TTC3: variants seen among roughly 807,000 people sequenced by gnomAD.
The protein encoded by TTC3 is E3 ubiquitin-protein ligase TTC3.
Under a neutral mutation model 249.6 loss-of-function variants are expected in TTC3, and 180 were observed. The observed-to-expected ratio is 0.72, with a 90% CI of 0.64 to 0.82. The LOEUF (loss-of-function observed/expected upper bound fraction) is 0.82, where lower values mean the gene tolerates loss of function less well. Ranked by LOEUF, TTC3 falls within the 40% of genes least tolerant of loss-of-function variation. The probability of loss-of-function intolerance (pLI) is 0.00; values close to 1 mark genes in which losing one functional copy is unlikely to be tolerated. For missense variants in TTC3, 2,061 were observed against 2,398.4 expected (o/e 0.86, Z 2.94); for synonymous variants, 717 against 805.0 (o/e 0.89, Z 1.85).
intron 13 of TTC3, among the ~76,000 whole-genome samples, chr21:37,124,112 CTTTTTTTT>C (rs60916518): frequency 2.0e-4 from 12 of 61,282 alleles, no homozygotes; most frequent in Middle Eastern, 0.026. Context: ...TTGAACTGTT[CTTTTTTTT>C]TTTTTTTTTT....
rs148546407 is a variant in TTC3, at chr21:37,124,653, T to C, written c.1144T>C (p.Phe382Leu). Residue 382 changes from phenylalanine to leucine, a missense_variant, in exon 14 of 46, where the codon TTT becomes CTT. By Grantham distance (22) the Phe-to-Leu change is conservative (BLOSUM62 0). This residue lies in a region of TTC3 where 989 missense variants were observed against 1,145.1 expected (regional missense o/e 0.86). Coordinates refer to ENST00000355666, the Ensembl canonical transcript of TTC3. ...ACCTAGGAGTTTATCAGCACCTATA[T>C]TTACTACTTCACTTAACTTTGTGGA... 188 of 1,613,054 alleles carry C rather than the reference T, an allele frequency of 1.2e-4. No homozygotes were observed. The Middle Eastern group carries it at 2.3e-3, about 20-fold the overall frequency.
At chr21:37,121,733 T>G in intron 11 of TTC3, 84 bp from the exon 12 acceptor site, 1 of 1,327,574 alleles carries the variant, frequency 7.5e-7, no homozygotes, top group Non-Finnish European at 1.0e-6. Flanking sequence ...TGAATCAGTT[T>G]TCAAGCAAAA....
chr21:37,115,994 A>G (rs2076110878), intron 11 of TTC3, among the ~76,000 whole-genome samples: 1 of 152,118 alleles, frequency 6.6e-6, no homozygotes. Flanking sequence ...AGGACTTACC[A>G]TTATCTAATA....
intron 11 of TTC3, among the ~76,000 whole-genome samples, chr21:37,112,389 A>G (rs544438572): frequency 7.1e-4 from 108 of 152,348 alleles, no homozygotes; most frequent in African/African-American, 2.5e-3. Flanking sequence ...AATACAAACT[A>G]CCATCAGAGA....
chr21:37,084,139 G>A (rs765476410), intron 1 of TTC3: 3 of 152,156 alleles, frequency 2.0e-5, no homozygotes, highest in African/African-American at 7.2e-5. Flanking sequence ...TGGGTGTGGT[G>A]GATAAATTCA....
chr21:37,084,964 G>T (rs1206583923), intron 1 of TTC3, among the ~76,000 whole-genome samples: 1 of 151,768 alleles, frequency 6.6e-6, no homozygotes, highest in Admixed American at 6.6e-5. Context: ...GTGCACTCCA[G>T]CCTGGGCGAC....
At position 37,128,904 on chromosome 21, in the gene TTC3, T is replaced by A. The variant is rs1036859430; in HGVS notation, c.1298-99T>A. ...CACCCACGTACCACATTTCTGCTTCTGTTTTCTTACTCCAATTTATATTTT... is the reference window on the plus strand; with the variant it reads ...CACCCACGTACCACATTTCTGCTTCAGTTTTCTTACTCCAATTTATATTTT... On this transcript the variant is annotated intron_variant, in intron 15 of 45. Coordinates refer to ENST00000355666, the Ensembl canonical transcript of TTC3. 36 of 896,444 alleles carry A rather than the reference T, an allele frequency of 4.0e-5. No individual in the cohort carries two copies. In the African/African-American group the frequency reaches 5.5e-4, roughly 14 times the overall value. The allele number at this position is 896,444 out of a possible 1,614,324, so 55.5% of individuals were successfully genotyped here.
chr21:37,128,057 A>G (rs2077173441), intron 15 of TTC3, among the ~76,000 whole-genome samples: 1 of 152,230 alleles, frequency 6.6e-6, no homozygotes, highest in Non-Finnish European at 1.5e-5. Context: ...TCCAGGATTA[A>G]GGTTAAGTAG....
At chr21:37,189,206 C>A (rs1300348460) in intron 39 of TTC3, among the ~76,000 whole-genome samples, 1 of 152,138 alleles carries the variant, frequency 6.6e-6, no homozygotes, top group East Asian at 1.9e-4. Flanking sequence ...TATATTCACA[C>A]ATGTTAATTT....
At chr21:37,095,465 AGAGAT>A in intron 9 of TTC3, 21 bp downstream of exon 9, 1 of 1,476,410 alleles carries the variant, frequency 6.8e-7, no homozygotes, top group South Asian at 1.2e-5. Flanking sequence ...ATAGAACAAA[AGAGAT>A]GCTTTTTCTA....
At chr21:37,108,487 T>TACA (rs1393458342) in intron 11 of TTC3, 41 bp downstream of exon 11, 1 of 1,556,828 alleles carries the variant, frequency 6.4e-7, no homozygotes, top group South Asian at 1.2e-5. Flanking sequence ...AATAATGCCA[T>TACA]ACAACATTGT....
At chr21:37,131,870 C>A (rs1282926570) in intron 16 of TTC3, among the ~76,000 whole-genome samples, 2 of 152,132 alleles carry the variant, frequency 1.3e-5, no homozygotes, top group African/African-American at 2.4e-5. Flanking sequence ...AACTCCACAT[C>A]GAGTGCCTCA....
At chr21:37,110,204 C>T (rs1443601932) in intron 11 of TTC3, among the ~76,000 whole-genome samples, 4 of 152,208 alleles carry the variant, frequency 2.6e-5, no homozygotes, top group Non-Finnish European at 5.9e-5. Flanking sequence ...CAAAGCTGGA[C>T]GGAGAATGAC....
intron 1 of TTC3, chr21:37,082,653 G>T (rs1216967105): frequency 1.0e-6 from 1 of 985,128 alleles, no homozygotes; most frequent in Non-Finnish European, 1.2e-6. Flanking sequence ...GCTTTTGCGT[G>T]GAGAGGGTGC....
chr21:37,109,073 G>A (rs140822537), intron 11 of TTC3, among the ~76,000 whole-genome samples: 40 of 152,254 alleles, frequency 2.6e-4, no homozygotes, highest in Admixed American at 1.9e-3. Context: ...AAACTATTTC[G>A]GTAGGGGTGG....
intron 34 of TTC3, 72 bp downstream of exon 34, chr21:37,167,692 A>G (rs988607278): frequency 2.4e-5 from 30 of 1,236,024 alleles, no homozygotes; most frequent in Non-Finnish European, 3.5e-5. Context: ...ATGATGAACT[A>G]GAACTATTTT....
At chr21:37,184,689 G>C (rs1042001985) in intron 36 of TTC3, among the ~76,000 whole-genome samples, 1 of 143,540 alleles carries the variant, frequency 7.0e-6, no homozygotes, top group African/African-American at 2.6e-5. Flanking sequence ...GGCTGGTCTC[G>C]AACTCCTGAC....
At chr21:37,096,125 C>T (rs1568898189) in intron 9 of TTC3, among the ~76,000 whole-genome samples, 1 of 152,202 alleles carries the variant, frequency 6.6e-6, no homozygotes, top group Non-Finnish European at 1.5e-5. Context: ...AAGGGAGATA[C>T]GTTTCACCAC....
At chr21:37,108,507 G>T in intron 11 of TTC3, 61 bp downstream of exon 11, 1 of 1,466,714 alleles carries the variant, frequency 6.8e-7, no homozygotes, top group Non-Finnish European at 9.4e-7. Context: ...TGAAAAATCT[G>T]TTTATAGGGT....
Sources: allele counts gnomAD v4.1 joint callset (sites outside exome capture counted in the v4.1 genomes callset), GRCh38; gene constraint gnomAD v4.1.1; regional missense constraint gnomAD v4.1.1; transcripts MANE v1.5; gene names NCBI Gene and HGNC (gene_info 2026-07-23, HGNC 2026-07-21).